TAFA4: variants seen among roughly 807,000 people sequenced by gnomAD.
TAFA4 encodes the protein chemokine-like protein TAFA-4.
A neutral mutation model predicts 21.1 loss-of-function variants in TAFA4; 20 were observed. The ratio of observed to expected loss-of-function variants is 0.95; its 90% CI spans 0.67 to 1.38. The LOEUF (loss-of-function observed/expected upper bound fraction) is 1.38, where lower values mean the gene tolerates loss of function less well. Ranked by LOEUF, TAFA4 falls within the 40% of genes most tolerant of loss-of-function variation. The probability of loss-of-function intolerance (pLI) is 0.00; values close to 1 mark genes in which losing one functional copy is unlikely to be tolerated. For missense variants in TAFA4, 211 were observed against 180.9 expected (o/e 1.17, Z -0.95); for synonymous variants, 71 against 67.4 (o/e 1.05, Z -0.26).
chr3:68,754,809 C>T (rs993579784), intron 3 of TAFA4, among the ~76,000 whole-genome samples: 1 of 152,136 alleles, frequency 6.6e-6, no homozygotes. Flanking sequence ...ATGTTCAAAT[C>T]GTCCCATATC....
At position 68,752,992 on chromosome 3, in the gene TAFA4, A is replaced by T. The variant is rs542438958; in HGVS notation, c.157T>A (p.Cys53Ser). ...AGHHQIKQGT[C>S]EVVAVHRCCN... Reference sequence around the variant, plus strand: ...CACCTGTGCACGGCGACCACCTCACAGGTCCCTTGCTTGATTTGGTGGTGA... The same window carrying T: ...CACCTGTGCACGGCGACCACCTCACTGGTCCCTTGCTTGATTTGGTGGTGA... The change falls in exon 4 of 6, where the codon TGT becomes AGT. Residue 53 changes from cysteine (C) to serine (S), a missense_variant. Cys to Ser is a moderately radical substitution (Grantham distance 112, BLOSUM62 -1). Transcript: ENST00000295569. 1.9e-6 allele frequency: 3 copies of T among 1,613,792 alleles called. No homozygotes were observed. The East Asian group carries it at 6.7e-5, about 36-fold the overall frequency.
intron 3 of TAFA4, among the ~76,000 whole-genome samples, chr3:68,852,892 A>AATCTACCTC (rs1024678544): frequency 6.6e-6 from 1 of 152,172 alleles, no homozygotes; most frequent in Admixed American, 6.5e-5. Context: ...AGAAAAAGAA[A>AATCTACCTC]ATCTACCTCA....
chr3:68,860,942 A>G (rs1262586615), intron 3 of TAFA4, among the ~76,000 whole-genome samples: 1 of 151,994 alleles, frequency 6.6e-6, no homozygotes, highest in Non-Finnish European at 1.5e-5. Flanking sequence ...CTTTCAAAGA[A>G]GAAATCTCAC....
In TAFA4 at chr3:68,733,867, G is replaced by A. The variant is rs191355987; in HGVS notation, c.412-714C>T. Among the ~76,000 whole-genome samples the A allele has an allele frequency of 6.5e-4, 99 of 152,230 alleles. 1 individual carries two copies. The highest frequency in any genetic ancestry group is 2.1e-3 in the South Asian group (10 of 4,828). On this transcript the variant is annotated intron_variant, in intron 5 of 5. Transcript: ENST00000295569. ...ATCAGCTATGTATGCAAACCTCAGC[G>A]TTGCTATTAACTGACATCTGGCCTT...
chr3:68,893,435 C>T (rs573130372), intron 1 of TAFA4, among the ~76,000 whole-genome samples: 5 of 152,234 alleles, frequency 3.3e-5, no homozygotes, highest in African/African-American at 7.2e-5. Flanking sequence ...TCTTGCATAC[C>T]GTGGAAGTTA....
intron 2 of TAFA4, among the ~76,000 whole-genome samples, chr3:68,884,914 G>A (rs2089655328): frequency 6.6e-6 from 1 of 152,164 alleles, no homozygotes; most frequent in Non-Finnish European, 1.5e-5. Context: ...TAGGGTTGGG[G>A]CCAGAAAGCT....
chr3:68,876,811 A>C (rs1385763524), intron 3 of TAFA4, among the ~76,000 whole-genome samples: 1 of 152,202 alleles, frequency 6.6e-6, no homozygotes, highest in Admixed American at 6.5e-5. Context: ...ATAACATTCA[A>C]AAGAAGAAGA....
rs141092736 is a variant in TAFA4, at chr3:68,741,427, G to C, written c.287-2228C>G. On this transcript the variant is annotated intron_variant, in intron 4 of 5. Transcript: ENST00000295569. ...TAATTTCTTGGATTGTTCATTGCTA[G>C]AGAAATGCGACTGAGTTTTGGATGT... Among the ~76,000 whole-genome samples the C allele has an allele frequency of 6.0e-3, 920 of 152,222 alleles. 4 individuals are homozygous for C. Among genetic ancestry groups the C allele is most frequent in the Non-Finnish European group, 0.01 (701 of 68,020 alleles).
chr3:68,879,582 T>A (rs1419569988), intron 3 of TAFA4, among the ~76,000 whole-genome samples: 1 of 152,200 alleles, frequency 6.6e-6, no homozygotes, highest in Non-Finnish European at 1.5e-5. Context: ...CTGTGGGCAC[T>A]TCACAGCAGC....
At chr3:68,857,046 TA>T (rs1249356242) in intron 3 of TAFA4, among the ~76,000 whole-genome samples, 1 of 152,160 alleles carries the variant, frequency 6.6e-6, no homozygotes, top group East Asian at 1.9e-4. Flanking sequence ...TTAATAATAC[TA>T]AAATAATAAT....
intron 3 of TAFA4, among the ~76,000 whole-genome samples, chr3:68,760,762 T>C (rs1702743876): frequency 6.6e-6 from 1 of 152,262 alleles, no homozygotes; most frequent in Non-Finnish European, 1.5e-5. Context: ...TGCAGTTCTC[T>C]AGTAATTCTC....
At chr3:68,812,091 A>T (rs1703854621) in intron 3 of TAFA4, among the ~76,000 whole-genome samples, 1 of 152,196 alleles carries the variant, frequency 6.6e-6, no homozygotes, top group Non-Finnish European at 1.5e-5. Context: ...ATAAGTGAAG[A>T]AGAAATGAAA....
chr3:68,856,504 T>C (rs1198471839), intron 3 of TAFA4, among the ~76,000 whole-genome samples: 2 of 152,092 alleles, frequency 1.3e-5, no homozygotes, highest in Admixed American at 1.3e-4. Flanking sequence ...TCAGTCTTCA[T>C]CTTGGCCTGT....
At position 68,841,086 on chromosome 3, in the gene TAFA4, G is replaced by A. The variant is rs1704651448; in HGVS notation, c.130+39644C>T. Among the ~76,000 whole-genome samples the A allele has an allele frequency of 2.7e-5, 2 of 73,212 alleles. 1 individual carries two copies. Among genetic ancestry groups the A allele is most frequent in the Non-Finnish European group, 7.3e-5 (2 of 27,272 alleles). 48.0% of individuals were successfully genotyped at this position (73,212 alleles called of 152,430 possible). On this transcript the variant is annotated intron_variant, in intron 3 of 5. Coordinates refer to ENST00000295569, the MANE Select transcript of TAFA4 (RefSeq NM_182522.5). ...TCCATGTAATCCCAGCACTTTGGGA[G>A]GCCGAGGCGGGCGGATCACGAGGTC...
At chr3:68,780,038 T>C (rs1036652737) in intron 3 of TAFA4, among the ~76,000 whole-genome samples, 3 of 152,188 alleles carry the variant, frequency 2.0e-5, no homozygotes, top group Admixed American at 6.5e-5. Flanking sequence ...ATGTGAGACA[T>C]GGAGTCAAAG....
chr3:68,763,669 T>C (rs1702797442), intron 3 of TAFA4, among the ~76,000 whole-genome samples: 1 of 152,122 alleles, frequency 6.6e-6, no homozygotes, highest in Non-Finnish European at 1.5e-5. Flanking sequence ...CCCTTACTAC[T>C]CAAAACACTA....
chr3:68,859,217 A>G (rs1283135119), intron 3 of TAFA4, among the ~76,000 whole-genome samples: 1 of 152,150 alleles, frequency 6.6e-6, no homozygotes, highest in Non-Finnish European at 1.5e-5. Flanking sequence ...CCACTTTGAG[A>G]GCTTTGCTTC....
chr3:68,930,961 A>T (rs978418439), intron 1 of TAFA4, among the ~76,000 whole-genome samples: 23 of 152,334 alleles, frequency 1.5e-4, no homozygotes, highest in African/African-American at 4.8e-4. Context: ...CTCTGACACA[A>T]ACTGCCCCCA....
chr3:68,765,708 C>A (rs1343623268), intron 3 of TAFA4, among the ~76,000 whole-genome samples: 4 of 152,160 alleles, frequency 2.6e-5, no homozygotes. Flanking sequence ...AACATAAGAT[C>A]TGAACTCAGA....
Sources: gnomAD v4.1 joint callset for allele counts (sites outside exome capture counted in the v4.1 genomes callset) on GRCh38, gnomAD v4.1.1 for gene constraint, MANE v1.5 for transcripts, NCBI Gene and HGNC (gene_info 2026-07-23, HGNC 2026-07-21) for gene names.